The following AKAP13 variants were observed in gnomAD, a reference collection of about 807,000 sequenced individuals.
The protein encoded by AKAP13 is A-kinase anchoring protein 13.
Under a neutral mutation model 264.5 loss-of-function variants are expected in AKAP13, and 80 were observed. That is an observed-to-expected ratio of 0.30 (90% CI 0.25 to 0.36). The LOEUF is 0.36. AKAP13 is among the 10% of genes least tolerant of loss of function. The pLI, the probability that AKAP13 is intolerant of heterozygous loss-of-function variation, is 1.00. For synonymous variants in AKAP13, 1,380 were observed against 1,250.2 expected, an observed-to-expected ratio of 1.10 and a Z score of -2.19; for missense variants, 3,712 against 3,435.2, an observed-to-expected ratio of 1.08 and a Z score of -2.01.
At chr15:85,496,747 C>T (rs1048359465) in intron 2 of AKAP13, among the ~76,000 whole-genome samples, 2 of 152,188 alleles carry the variant, frequency 1.3e-5, no homozygotes, top group East Asian at 3.8e-4. Flanking sequence ...AATGGATTAC[C>T]TGCCTTTGCC....
intron 16 of AKAP13, among the ~76,000 whole-genome samples, chr15:85,692,175 A>G (rs527399702): frequency 7.9e-5 from 12 of 152,106 alleles, no homozygotes; most frequent in Non-Finnish European, 1.6e-4. Context: ...CCCTGCTCAC[A>G]TCAAAACTTC....
At position 85,536,435 on chromosome 15, in the gene AKAP13, C is replaced by T. The variant is rs2077399834; in HGVS notation, c.478+2555C>T. 2.0e-5 allele frequency: 3 copies of T among 152,262 alleles called. No individual in the cohort carries two copies. In the South Asian group the frequency reaches 6.2e-4, roughly 32 times the overall value. 9.4% of individuals were successfully genotyped at this position (152,262 alleles called of 1,614,324 possible). A position where few individuals can be genotyped will look rare whatever the true frequency, so the allele number is the denominator to read the frequency against. ...GCAGTTTCTTGTAAAGTTAAACATA[C>T]ACTTAGCGTATGACCCAGTAATCCC... On this transcript the variant is annotated intron_variant, in intron 4 of 36. Transcript: ENST00000394518.
chr15:85,446,546 G>C (rs564797472), intron 1 of AKAP13, among the ~76,000 whole-genome samples: 8 of 152,284 alleles, frequency 5.3e-5, no homozygotes, highest in African/African-American at 1.9e-4. Flanking sequence ...TAGGGCTAGA[G>C]ACTCAAAGTT....
chr15:85,580,379 A>C lies in AKAP13; in HGVS notation c.2311A>C (p.Lys771Gln). Residue 771 changes from lysine to glutamine, a missense_variant, in exon 7 of 37, where the codon AAA becomes CAA. By Grantham distance (53) the Lys-to-Gln change is moderately conservative. This residue lies in a region of AKAP13 where 2,759 missense variants were observed against 2,411.7 expected (regional missense o/e 1.14). Coordinates refer to ENST00000394518, the MANE Select transcript of AKAP13 (RefSeq NM_007200.5). ...ACATCCAGTTGTCCCTAAAATGGAG[A>C]AAGAACTGGTGCCAGACCAGGCAGT... ...HPHPVVPKMEKELVPDQAVIS... is the reference protein window; with the variant it reads ...HPHPVVPKMEQELVPDQAVIS... 6.2e-7 allele frequency: 1 copy of C among 1,614,244 alleles called. No homozygotes were observed. The highest frequency in any genetic ancestry group is 8.5e-7 in the Non-Finnish European group (1 of 1,180,040).
intron 32 of AKAP13, among the ~76,000 whole-genome samples, 153 bp from the exon 33 acceptor site, chr15:85,735,937 C>A (rs1326781198): frequency 3.3e-5 from 5 of 152,174 alleles, no homozygotes; most frequent in Non-Finnish European, 7.3e-5. Flanking sequence ...TACAAGGTAT[C>A]AGTGATAAAT....
At chr15:85,717,220 C>A in intron 20 of AKAP13, 70 bp from the exon 21 acceptor site, 2 of 966,272 alleles carry the variant, frequency 2.1e-6, no homozygotes, top group Non-Finnish European at 1.6e-6. Context: ...TCTTCAGGTA[C>A]TCATTTAAGA....
At chr15:85,536,115 G>C (rs562256357) in intron 4 of AKAP13, 28 of 152,148 alleles carry the variant, frequency 1.8e-4, no homozygotes, top group Admixed American at 1.3e-3. Flanking sequence ...TCCTCTCTTT[G>C]GGCCTTAACT....
At chr15:85,648,067 C>A (rs970687864) in intron 10 of AKAP13, among the ~76,000 whole-genome samples, 1 of 151,792 alleles carries the variant, frequency 6.6e-6, no homozygotes, top group African/African-American at 2.4e-5. Context: ...ATTTCCACTG[C>A]GACTTTCGAG....
chr15:85,419,869 A>G (rs1191431717), intron 1 of AKAP13, among the ~76,000 whole-genome samples: 1 of 152,046 alleles, frequency 6.6e-6, no homozygotes, highest in Non-Finnish European at 1.5e-5. Flanking sequence ...GGGTGAGAGA[A>G]AGAAGGCACA....
chr15:85,655,865 TA>T, intron 11 of AKAP13, 78 bp downstream of exon 11: 2 of 1,504,610 alleles, frequency 1.3e-6, no homozygotes, highest in Non-Finnish European at 1.8e-6. Context: ...TTATTGTTGG[TA>T]AAAGAATTTA....
Position 85,543,294 on chromosome 15 carries a change from C to T in AKAP13, c.479-478C>T, listed in dbSNP as rs1344796405. On this transcript the variant is annotated intron_variant, in intron 4 of 36. Coordinates refer to ENST00000394518, the MANE Select transcript of AKAP13 (RefSeq NM_007200.5). ...CTGTTTTTAGTGTTTAACTAGCCAA[C>T]TCCTGTCTGGGTGTTCTTTTAAAAA... is the stretch of plus-strand genomic sequence containing the variant. Among the ~76,000 whole-genome samples, 6 of 152,238 alleles carry T rather than the reference C, an allele frequency of 3.9e-5. 1 individual carries two copies.
chr15:85,683,946 G>A (rs1214963003), intron 15 of AKAP13, among the ~76,000 whole-genome samples: 3 of 152,146 alleles, frequency 2.0e-5, no homozygotes, highest in African/African-American at 7.2e-5. Flanking sequence ...TCCTCAGTAA[G>A]TTCCCTCCTA....
At chr15:85,563,738 AG>A (rs1273532004) in intron 5 of AKAP13, among the ~76,000 whole-genome samples, 4 of 152,206 alleles carry the variant, frequency 2.6e-5, no homozygotes, top group African/African-American at 7.2e-5. Context: ...GCTAAGTAAG[AG>A]GGTGCTAATA....
chr15:85,380,704 C>T lies in AKAP13; in HGVS notation c.-106C>T, dbSNP rs1354757059. 6.6e-6 allele frequency: 1 copy of T among 152,572 alleles called. No homozygotes were observed. The highest frequency in any genetic ancestry group is 6.5e-5 in the Admixed American group (1 of 15,294). 9.5% of individuals were successfully genotyped at this position (152,572 alleles called of 1,614,324 possible). On this transcript the variant is annotated 5_prime_UTR_variant, in exon 1 of 37. Transcript: ENST00000394518. ...TCGCCTCGGTCGCCGCCGCTTTAGC[C>T]GCCTCCGGGGGAGCGGCCGCCTATT...
intron 8 of AKAP13, chr15:85,620,105 AC>A: frequency 6.5e-7 from 1 of 1,536,070 alleles, no homozygotes; most frequent in East Asian, 2.4e-5. Flanking sequence ...TATGAACGGC[AC>A]AAGAGGCGCT....
chr15:85,586,970 T>C (rs887827661), intron 8 of AKAP13, among the ~76,000 whole-genome samples: 3 of 152,132 alleles, frequency 2.0e-5, no homozygotes, highest in African/African-American at 4.8e-5. Flanking sequence ...ATCAACATTT[T>C]TTTTTTGTTT....
chr15:85,405,514 CTT>C (rs1452485390), intron 1 of AKAP13, among the ~76,000 whole-genome samples: 2 of 152,116 alleles, frequency 1.3e-5, no homozygotes, highest in African/African-American at 4.8e-5. Context: ...TTGAAGGAAA[CTT>C]TATTTATTTA....
At chr15:85,488,053 A>G (rs957430894) in intron 2 of AKAP13, among the ~76,000 whole-genome samples, 2 of 152,214 alleles carry the variant, frequency 1.3e-5, no homozygotes, top group African/African-American at 2.4e-5. Context: ...ATGTGCACCC[A>G]TGCCCAGCTA....
intron 1 of AKAP13, among the ~76,000 whole-genome samples, chr15:85,408,478 CTATTTCTCTCT>C (rs2071783386): frequency 6.6e-6 from 1 of 151,650 alleles, no homozygotes; most frequent in South Asian, 2.1e-4. Flanking sequence ...CAATAACTTT[CTATTTCTCTCT>C]CCTCCGTGTC....
Sources: gnomAD v4.1 joint callset for allele counts (sites outside exome capture counted in the v4.1 genomes callset) on GRCh38, gnomAD v4.1.1 for gene constraint, gnomAD v4.1.1 regional missense constraint, MANE v1.5 for transcripts, NCBI Gene and HGNC (gene_info 2026-07-23, HGNC 2026-07-21) for gene names.